Variants in NRG3 observed in about 807,000 individuals in gnomAD.
NRG3 encodes neuregulin 3.
NRG3 carries 31 observed loss-of-function variants against 66.9 expected under a neutral mutation model. That is an observed-to-expected ratio of 0.46 (90% CI 0.35 to 0.63). NRG3 has a LOEUF of 0.63. NRG3 is among the 20% of genes least tolerant of loss of function. NRG3 has a pLI of 0.00. For synonymous variants in NRG3, 393 were observed against 359.4 expected, an observed-to-expected ratio of 1.09 and a Z score of -1.06; for missense variants, 910 against 878.9, an observed-to-expected ratio of 1.04 and a Z score of -0.45.
At chr10:82,361,149 G>A (rs1323093504) in intron 2 of NRG3, among the ~76,000 whole-genome samples, 1 of 152,184 alleles carries the variant, frequency 6.6e-6, no homozygotes, top group Non-Finnish European at 1.5e-5. Context: ...TTTGTGAGAT[G>A]CATGTACATC....
At chr10:82,632,587 T>C (rs1021906721) in intron 2 of NRG3, among the ~76,000 whole-genome samples, 3 of 152,172 alleles carry the variant, frequency 2.0e-5, no homozygotes, top group Admixed American at 6.5e-5. Flanking sequence ...TTTTCTCCTG[T>C]GTGTTTTTTT....
chr10:82,934,880 A>G (rs1176304884), intron 4 of NRG3, among the ~76,000 whole-genome samples: 1 of 152,206 alleles, frequency 6.6e-6, no homozygotes, highest in Non-Finnish European at 1.5e-5. Flanking sequence ...CCAACATTAA[A>G]TGCTGGAAAT....
In NRG3 at chr10:82,418,744, A is replaced by T. The variant is rs552141034; in HGVS notation, c.953+59876A>T. ...GCCTCCTGAGTAGCTAGTACAATAC[A>T]TGCCACCATGCCCTGCTAATATTTT... On this transcript the variant is annotated intron_variant, in intron 2 of 8. Coordinates refer to ENST00000372141, the MANE Select transcript of NRG3 (RefSeq NM_001010848.4). Among the ~76,000 whole-genome samples, 7 of 151,350 alleles carry T rather than the reference A, an allele frequency of 4.6e-5. No homozygotes were observed. In the South Asian group the frequency reaches 1.3e-3, roughly 27 times the overall value.
intron 1 of NRG3, among the ~76,000 whole-genome samples, chr10:81,982,867 T>C (rs565803434): frequency 4.0e-4 from 61 of 152,228 alleles, no homozygotes; most frequent in Non-Finnish European, 8.8e-5. Flanking sequence ...AAAGACAGTT[T>C]CGTAACTTAA....
At chr10:82,714,536 T>A (rs527267346) in intron 2 of NRG3, among the ~76,000 whole-genome samples, 21 of 152,310 alleles carry the variant, frequency 1.4e-4, no homozygotes, top group African/African-American at 4.8e-4. Context: ...ATTTATCTTC[T>A]ATAAACTTGT....
chr10:82,855,170 A>G (rs1415983492), intron 3 of NRG3, among the ~76,000 whole-genome samples: 2 of 152,110 alleles, frequency 1.3e-5, no homozygotes, highest in Non-Finnish European at 2.9e-5. Context: ...GTGAAGTGGT[A>G]TTCGTCATGA....
intron 3 of NRG3, among the ~76,000 whole-genome samples, chr10:82,769,747 A>AT (rs1341966451): frequency 3.3e-5 from 5 of 152,124 alleles, no homozygotes; most frequent in African/African-American, 1.2e-4. Flanking sequence ...CTAAGTGTGG[A>AT]TTTATGTAAT....
intron 3 of NRG3, among the ~76,000 whole-genome samples, chr10:82,818,626 TTC>T (rs2061817383): frequency 1.3e-5 from 2 of 152,076 alleles, no homozygotes; most frequent in African/African-American, 4.8e-5. Flanking sequence ...GGGGGAGTCT[TTC>T]TTTTTTTTCT....
chr10:82,083,549 C>A (rs990817465), intron 1 of NRG3, among the ~76,000 whole-genome samples: 3 of 151,120 alleles, frequency 2.0e-5, no homozygotes, highest in Non-Finnish European at 2.9e-5. Context: ...TTATCTTTAG[C>A]AAACTTGTTT....
Position 82,985,518 on chromosome 10 carries a change from C to T in NRG3, c.2004C>T (p.Leu668=), listed in dbSNP as rs1243672742. Residue 668 remains leucine, a synonymous_variant, in exon 9 of 9, where the codon CTC becomes CTT. Coordinates refer to ENST00000372141, the MANE Select transcript of NRG3 (RefSeq NM_001010848.4). The part of the protein sequence containing the change: ...EDSASENTAF[L]PLSPTAKSER... ...GTGCAAGCGAAAACACAGCCTTTCT[C>T]CCCCTGAGTCCCACAGCCAAATCAG... The T allele has an allele frequency of 1.2e-6, 2 of 1,613,930 alleles. No homozygotes were observed. The highest frequency in any genetic ancestry group is 1.3e-5 in the African/African-American group (1 of 75,032).
chr10:82,878,852 C>G (rs1842055287), intron 4 of NRG3, among the ~76,000 whole-genome samples: 1 of 152,182 alleles, frequency 6.6e-6, no homozygotes, highest in Non-Finnish European at 1.5e-5. Flanking sequence ...CTATCTGCTG[C>G]CATGCCAAGT....
rs901820696 is a variant in NRG3, at chr10:81,938,056, C to G, written c.823+61893C>G. ...GTTGAATATCATTTGGTCATAAGAC[C>G]TGAGAGTTTATTTCTGGGCTGTTTC... is the stretch of plus-strand genomic sequence containing the variant. On this transcript the variant is annotated intron_variant, in intron 1 of 8. Coordinates refer to ENST00000372141, the MANE Select transcript of NRG3 (RefSeq NM_001010848.4). Among the ~76,000 whole-genome samples the G allele has an allele frequency of 6.6e-5, 10 of 152,064 alleles. No homozygotes were observed. The East Asian group carries it at 1.9e-3, about 29-fold the overall frequency.
chr10:82,711,550 TG>T (rs1754290444), intron 2 of NRG3, among the ~76,000 whole-genome samples: 1 of 148,686 alleles, frequency 6.7e-6, no homozygotes, highest in Non-Finnish European at 1.5e-5. Context: ...TGTGTGTGTG[TG>T]TGTGTGTGTG....
chr10:81,956,612 A>C (rs1244952766), intron 1 of NRG3, among the ~76,000 whole-genome samples: 3 of 152,108 alleles, frequency 2.0e-5, no homozygotes, highest in Non-Finnish European at 2.9e-5. Flanking sequence ...TTAACTGTCC[A>C]CCACAGCTGG....
intron 2 of NRG3, among the ~76,000 whole-genome samples, chr10:82,361,946 A>G (rs1405135443): frequency 6.6e-6 from 1 of 151,950 alleles, no homozygotes; most frequent in Non-Finnish European, 1.5e-5. Context: ...TTGTAATCCT[A>G]TAATAAACTG....
At chr10:82,050,567 T>C (rs962189680) in intron 1 of NRG3, among the ~76,000 whole-genome samples, 4 of 152,062 alleles carry the variant, frequency 2.6e-5, no homozygotes, top group Non-Finnish European at 4.4e-5. Context: ...TGCTACCTGC[T>C]CTCAGACTGG....
intron 2 of NRG3, among the ~76,000 whole-genome samples, chr10:82,731,323 T>C (rs1200731461): frequency 2.1e-5 from 3 of 144,026 alleles, no homozygotes; most frequent in Admixed American, 7.2e-5. Flanking sequence ...GCCGAGATCA[T>C]GCCACTGCAC....
At chr10:82,527,483 T>C (rs1846832267) in intron 2 of NRG3, among the ~76,000 whole-genome samples, 1 of 152,222 alleles carries the variant, frequency 6.6e-6, no homozygotes, top group African/African-American at 2.4e-5. Context: ...TTTTTCAGCC[T>C]GGATGATCTA....
intron 1 of NRG3, among the ~76,000 whole-genome samples, chr10:81,987,082 AT>A (rs34940289): frequency 0.38 from 56,346 of 149,052 alleles, 13,248 homozygotes; most frequent in East Asian, 0.76. Context: ...GTGTGTGTGC[AT>A]TTTTTTTTTT....
Sources: allele counts gnomAD v4.1 joint callset (sites outside exome capture counted in the v4.1 genomes callset), GRCh38; gene constraint gnomAD v4.1.1; transcripts MANE v1.5; gene names NCBI Gene and HGNC (gene_info 2026-07-23, HGNC 2026-07-21).